SH3PXD2B: variants seen among roughly 807,000 people sequenced by gnomAD.
The protein encoded by SH3PXD2B is SH3 and PX domains 2B.
Under a neutral mutation model 73.1 loss-of-function variants are expected in SH3PXD2B, and 37 were observed. The observed-to-expected ratio is 0.51, with a 90% CI of 0.39 to 0.67. The LOEUF is 0.67. Among genes scored for constraint, SH3PXD2B ranks in the 30% least tolerant of loss-of-function variants. The pLI is 0.00. For synonymous variants in SH3PXD2B, 457 were observed against 480.5 expected (o/e 0.95, Z 0.64); for missense variants, 1,053 against 1,197.8 (o/e 0.88, Z 1.78).
At chr5:172,400,562 G>A (rs1265128826) in intron 3 of SH3PXD2B, among the ~76,000 whole-genome samples, 1 of 152,210 alleles carries the variant, frequency 6.6e-6, no homozygotes, top group Non-Finnish European at 1.5e-5. Flanking sequence ...CTCTTGCCAT[G>A]TCTGGACTGC....
At chr5:172,415,124 T>C (rs1209793793) in intron 2 of SH3PXD2B, among the ~76,000 whole-genome samples, 1 of 152,188 alleles carries the variant, frequency 6.6e-6, no homozygotes, top group Non-Finnish European at 1.5e-5. Flanking sequence ...CTGGGTCCCT[T>C]GTGGCAGCTC....
chr5:172,403,762 C>T (rs765821748), intron 3 of SH3PXD2B, among the ~76,000 whole-genome samples: 86 of 152,326 alleles, frequency 5.6e-4, no homozygotes, highest in Non-Finnish European at 1.0e-3. Flanking sequence ...TCCAGTTTAC[C>T]TTGAATATCC....
intron 5 of SH3PXD2B, among the ~76,000 whole-genome samples, chr5:172,380,952 A>AT (rs1038091647): frequency 2.0e-5 from 3 of 152,168 alleles, no homozygotes; most frequent in African/African-American, 7.2e-5. Flanking sequence ...TGTGAACTCG[A>AT]TTTTGGAGGT....
At chr5:172,343,646 C>CA (rs962297793) in intron 12 of SH3PXD2B, among the ~76,000 whole-genome samples, 8 of 150,676 alleles carry the variant, frequency 5.3e-5, no homozygotes, top group South Asian at 2.1e-4. Context: ...ACTAAAAATA[C>CA]AAAAAAAAAT....
intron 6 of SH3PXD2B, among the ~76,000 whole-genome samples, chr5:172,369,673 C>G (rs1757659279): frequency 6.6e-6 from 1 of 152,076 alleles, no homozygotes; most frequent in South Asian, 2.1e-4. Context: ...GAGGCTGAGG[C>G]AGAAGAATTG....
intron 4 of SH3PXD2B, among the ~76,000 whole-genome samples, chr5:172,386,688 G>C (rs1043301557): frequency 6.6e-5 from 10 of 152,064 alleles, no homozygotes; most frequent in African/African-American, 2.4e-4. Context: ...TGTAGCACGG[G>C]GTGGGATCTC....
At chr5:172,449,814 G>A (rs1347746906) in intron 1 of SH3PXD2B, among the ~76,000 whole-genome samples, 2 of 152,202 alleles carry the variant, frequency 1.3e-5, no homozygotes, top group Non-Finnish European at 2.9e-5. Flanking sequence ...CCTGTGCAAG[G>A]AGGCAGCTGT....
intron 2 of SH3PXD2B, among the ~76,000 whole-genome samples, chr5:172,418,614 C>T (rs1758880453): frequency 6.7e-6 from 1 of 149,858 alleles, no homozygotes; most frequent in Admixed American, 6.6e-5. Flanking sequence ...TGCGATCCTG[C>T]CCTAACCTCT....
intron 12 of SH3PXD2B, among the ~76,000 whole-genome samples, chr5:172,326,632 C>A (rs1029305194): frequency 6.6e-6 from 1 of 152,158 alleles, no homozygotes; most frequent in African/African-American, 2.4e-5. Flanking sequence ...ATATACTAGG[C>A]AGGGGTTGTC....
intron 2 of SH3PXD2B, among the ~76,000 whole-genome samples, chr5:172,407,281 T>C (rs187235063): frequency 4.9e-4 from 74 of 152,362 alleles, no homozygotes; most frequent in African/African-American, 1.3e-3. Flanking sequence ...TGAAGTAGGA[T>C]GTGGCCAATC....
chr5:172,326,857 A>ATTTTTTTTTTTTT (rs1175095358), intron 12 of SH3PXD2B, among the ~76,000 whole-genome samples: 1 of 135,614 alleles, frequency 7.4e-6, no homozygotes, highest in African/African-American at 2.7e-5. Context: ...ATGTCTCAAG[A>ATTTTTTTTTTTTT]TTTTTTTTTT....
At chr5:172,359,645 G>A (rs892451660) in intron 7 of SH3PXD2B, among the ~76,000 whole-genome samples, 8 of 152,098 alleles carry the variant, frequency 5.3e-5, no homozygotes, top group Admixed American at 3.9e-4. Flanking sequence ...CTCTCACCCC[G>A]GCTCAGACAT....
Position 172,454,297 on chromosome 5 carries a change from C to A in SH3PXD2B, c.56G>T (p.Arg19Leu), listed in dbSNP as rs754104564. The change falls in exon 1 of 13, where the codon CGG becomes CTG. Residue 19 changes from arginine (R) to leucine (L), a missense_variant. By Grantham distance (102) the Arg-to-Leu change is moderately radical. Around this residue, in one of 2 missense-constraint regions of SH3PXD2B, gnomAD observed 466 missense variants for 607.1 expected, o/e 0.77. Coordinates refer to ENST00000311601, the MANE Select transcript of SH3PXD2B (RefSeq NM_001017995.3). Reference protein sequence around the residue: ...EVKVLDVQKRRVPNKHYVYII... With the variant: ...EVKVLDVQKRLVPNKHYVYII... ...ACTCACATAATGCTTGTTGGGCACC[C>A]GCCGCTTCTGCACGTCTAGCACCTT... is the stretch of plus-strand genomic sequence containing the variant. 1 of 1,601,746 alleles carries A rather than the reference C, an allele frequency of 6.2e-7. No homozygotes were observed. The highest frequency in any genetic ancestry group is 2.3e-5 in the East Asian group (1 of 43,942).
Position 172,334,788 on chromosome 5 carries a change from C to T in SH3PXD2B, c.*3581G>A. On this transcript the variant is annotated 3_prime_UTR_variant, in exon 13 of 13. Coordinates refer to ENST00000311601, the MANE Select transcript of SH3PXD2B (RefSeq NM_001017995.3). ...ACTGTCCACTCCTCAGCCTAAGGTC[C>T]TTCTCAAGTCCTGGCACACTCAGCA... 5 of 985,476 alleles carry T rather than the reference C, an allele frequency of 5.1e-6. No individual in the cohort carries two copies. The highest frequency in any genetic ancestry group is 4.8e-6 in the Non-Finnish European group (4 of 829,956). 61.0% of individuals were successfully genotyped at this position (985,476 alleles called of 1,614,324 possible).
At chr5:172,386,827 C>A (rs1758070360) in intron 4 of SH3PXD2B, among the ~76,000 whole-genome samples, 1 of 152,164 alleles carries the variant, frequency 6.6e-6, no homozygotes, top group African/African-American at 2.4e-5. Flanking sequence ...AGGGTTTCAC[C>A]ACGTTGCCCA....
chr5:172,424,060 C>T (rs1224578321), intron 1 of SH3PXD2B, among the ~76,000 whole-genome samples: 1 of 152,138 alleles, frequency 6.6e-6, no homozygotes, highest in African/African-American at 2.4e-5. Context: ...TGGGGGGGAG[C>T]CTGCCTGAGA....
chr5:172,450,325 T>A (rs1024546194), intron 1 of SH3PXD2B, among the ~76,000 whole-genome samples: 3 of 151,770 alleles, frequency 2.0e-5, no homozygotes, highest in African/African-American at 7.3e-5. Context: ...AGGGGCAGCA[T>A]CGGGGAGGGC....
At chr5:172,360,941 C>G (rs34297698) in intron 7 of SH3PXD2B, among the ~76,000 whole-genome samples, 3 of 152,296 alleles carry the variant, frequency 2.0e-5, no homozygotes, top group African/African-American at 7.2e-5. Context: ...CATGTTCACA[C>G]TGGAGTACGA....
rs1561583865 is a variant in SH3PXD2B at position 172,439,679 on chromosome 5, C to CAT, written c.75+14598_75+14599insAT. Among the ~76,000 whole-genome samples the CAT allele has an allele frequency of 3.7e-3, 344 of 92,672 alleles. 2 individuals are homozygous for CAT. The highest frequency in any genetic ancestry group is 0.021 in the African/African-American group (316 of 15,280). 60.8% of individuals were successfully genotyped at this position (92,672 alleles called of 152,430 possible). ...AACCAGGTATGTGTGTGCGTGCGTG[C>CAT]GCGCACGCGCGCGCACACACACACA... On this transcript the variant is annotated intron_variant, in intron 1 of 12. Coordinates refer to ENST00000311601, the MANE Select transcript of SH3PXD2B (RefSeq NM_001017995.3).
Sources: gnomAD v4.1 joint callset for allele counts (sites outside exome capture counted in the v4.1 genomes callset) on GRCh38, gnomAD v4.1.1 for gene constraint, gnomAD v4.1.1 regional missense constraint, MANE v1.5 for transcripts, NCBI Gene and HGNC (gene_info 2026-07-23, HGNC 2026-07-21) for gene names.